Variants in TNRC6C observed in about 807,000 individuals in gnomAD.
TNRC6C encodes trinucleotide repeat containing adaptor 6C, also known as trinucleotide repeat-containing gene 6C protein.
Under a neutral mutation model 153.7 loss-of-function variants are expected in TNRC6C, and 20 were observed. That is an observed-to-expected ratio of 0.13 (90% CI 0.09 to 0.19). The LOEUF is 0.19. Ranked by LOEUF, TNRC6C falls within the 10% of genes least tolerant of loss-of-function variation. The pLI is 1.00. For synonymous variants in TNRC6C, 811 were observed against 841.4 expected (o/e 0.96, Z 0.63); for missense variants, 1,987 against 2,172.0 (o/e 0.91, Z 1.69).
In TNRC6C at chr17:78,067,880, C is replaced by T. The variant is rs748890340; in HGVS notation, c.2735C>T (p.Ser912Phe). The T allele has an allele frequency of 5.0e-6, 8 of 1,613,666 alleles. No homozygotes were observed. The Admixed American group carries it at 6.7e-5, about 13-fold the overall frequency. The change falls in exon 5 of 20, where the codon TCC (serine) becomes TTC (phenylalanine). Residue 912 changes from serine to phenylalanine, a missense_variant. Ser to Phe is a radical substitution (Grantham distance 155). Coordinates refer to ENST00000301624, the Ensembl canonical transcript of TNRC6C. ...GCTGCTTCCCAAGAAAGCACCTCCTCCTGCAGCTCCTGGGGGAACGCCCCC... is the reference window on the plus strand; with the variant it reads ...GCTGCTTCCCAAGAAAGCACCTCCTTCTGCAGCTCCTGGGGGAACGCCCCC...
At chr17:77,986,443 G>A (rs971633835) in intron 1 of TNRC6C, among the ~76,000 whole-genome samples, 3 of 126,440 alleles carry the variant, frequency 2.4e-5, no homozygotes, top group Admixed American at 8.0e-5. Flanking sequence ...AAGAAGAAAT[G>A]ACAATTTCAC....
At chr17:78,059,565 A>G (rs948900064) in intron 3 of TNRC6C, among the ~76,000 whole-genome samples, 4 of 152,180 alleles carry the variant, frequency 2.6e-5, no homozygotes, top group African/African-American at 9.7e-5. Context: ...ATACAGTGTG[A>G]GGCCGGACAC....
At chr17:77,967,406 G>C (rs571064750) in intron 1 of TNRC6C, among the ~76,000 whole-genome samples, 5 of 152,268 alleles carry the variant, frequency 3.3e-5, no homozygotes, top group Non-Finnish European at 5.9e-5. Flanking sequence ...TCATGCGGGG[G>C]GGGAGAGAAG....
chr17:78,054,417 CACCACTGCAGACTACTGTAA>C lies in TNRC6C; in HGVS notation c.2395+2980_2395+2999del, dbSNP rs1330669963. Among the ~76,000 whole-genome samples, 1,386 of 151,868 alleles carry C rather than the reference CACCACTGCAGACTACTGTAA, an allele frequency of 9.1e-3. 19 individuals are homozygous for C. Among genetic ancestry groups the C allele is most frequent in the African/African-American group, 0.033 (1,346 of 41,346 alleles). ...CTGCAGAGTACTGTGCACTACTATA[CACCACTGCAGACTACTGTAA>C]ACCACTGCAGACTACTGTATACTAC... On this transcript the variant is annotated intron_variant, in intron 3 of 19. Coordinates refer to ENST00000301624, the Ensembl canonical transcript of TNRC6C.
At chr17:78,066,436 C>A (rs2072880925) in intron 4 of TNRC6C, 1 of 151,716 alleles carries the variant, frequency 6.6e-6, no homozygotes, top group Non-Finnish European at 1.5e-5. Flanking sequence ...ATTTATATTA[C>A]TTTTTTTTAC....
At chr17:77,995,730 A>G (rs2071318491) in intron 1 of TNRC6C, among the ~76,000 whole-genome samples, 1 of 152,194 alleles carries the variant, frequency 6.6e-6, no homozygotes, top group South Asian at 2.1e-4. Flanking sequence ...GTACACACAC[A>G]CACACACACG....
upstream of TNRC6C, among the ~76,000 whole-genome samples, chr17:77,958,394 G>A (rs1052420002): frequency 6.6e-6 from 1 of 151,946 alleles, no homozygotes; most frequent in African/African-American, 2.4e-5. Context: ...GCGCGTCCCG[G>A]CCACTCGGAG....
At chr17:77,958,641 G>C (rs572604359), upstream of TNRC6C, among the ~76,000 whole-genome samples, 4 of 152,182 alleles carry the variant, frequency 2.6e-5, no homozygotes, top group African/African-American at 7.2e-5. Flanking sequence ...AGGCCAACGC[G>C]GGGCGGGGAA....
chr17:78,040,408 AT>A (rs1388557678), intron 2 of TNRC6C, among the ~76,000 whole-genome samples: 2 of 152,244 alleles, frequency 1.3e-5, no homozygotes, highest in Non-Finnish European at 2.9e-5. Flanking sequence ...TTGTACATTT[AT>A]AAACAGAGGC....
intron 18 of TNRC6C, chr17:78,102,760 G>C (rs2073620955): frequency 1.9e-6 from 1 of 524,302 alleles, no homozygotes; most frequent in Middle Eastern, 5.0e-4. Flanking sequence ...CCATGTTCCT[G>C]GTGAATTGTT....
intron 1 of TNRC6C, among the ~76,000 whole-genome samples, chr17:78,012,621 A>G (rs974947273): frequency 6.6e-6 from 1 of 152,238 alleles, no homozygotes; most frequent in Non-Finnish European, 1.5e-5. Flanking sequence ...TAACTGCTTT[A>G]TCTCAGCCAG....
chr17:78,001,703 G>C (rs2071415204), upstream of TNRC6C, among the ~76,000 whole-genome samples: 1 of 152,178 alleles, frequency 6.6e-6, no homozygotes, highest in South Asian at 2.1e-4. Context: ...AAATGTTTAA[G>C]TATATATGTT....
intron 1 of TNRC6C, among the ~76,000 whole-genome samples, chr17:77,967,631 T>G (rs1334429336): frequency 1.3e-5 from 2 of 152,194 alleles, no homozygotes; most frequent in Non-Finnish European, 2.9e-5. Flanking sequence ...CTGAGGCCTC[T>G]GGGCACTGCC....
chr17:77,958,967 C>T (rs1161368360), upstream of TNRC6C, among the ~76,000 whole-genome samples: 7 of 145,214 alleles, frequency 4.8e-5, no homozygotes, highest in Admixed American at 4.8e-4. Flanking sequence ...GCCGCCGCCG[C>T]CTAGGACCCG....
At chr17:78,077,548 C>A in intron 9 of TNRC6C, 1 of 652,784 alleles carries the variant, frequency 1.5e-6, no homozygotes, top group Non-Finnish European at 2.6e-6. Context: ...TATTCTTACA[C>A]TTAACTAAAA....
intron 3 of TNRC6C, among the ~76,000 whole-genome samples, chr17:78,053,941 CTAAGAAA>C (rs2072591281): frequency 6.6e-6 from 1 of 152,140 alleles, no homozygotes; most frequent in Non-Finnish European, 1.5e-5. Flanking sequence ...GTGATACATT[CTAAGAAA>C]TGTGTCATCA....
At position 78,079,329 on chromosome 17, in the gene TNRC6C, C is replaced by A; in HGVS notation, c.3211-66C>A. The A allele has an allele frequency of 1.3e-6, 2 of 1,584,708 alleles. No homozygotes were observed. The highest frequency in any genetic ancestry group is 8.6e-7 in the Non-Finnish European group (1 of 1,158,602). ...ATTCACTTGAAATAGATCATTTCACCCTACCTCCAAACAATGTTACTCTAA... is the reference window on the plus strand; with the variant it reads ...ATTCACTTGAAATAGATCATTTCACACTACCTCCAAACAATGTTACTCTAA... On this transcript the variant is annotated intron_variant, in intron 9 of 19. Transcript: ENST00000301624. The surrounding 1 kb of genome is among the most constrained non-coding windows in gnomAD (Gnocchi z 4.3).
chr17:78,071,144 A>C, exon 6 of TNRC6C: 9 of 1,605,550 alleles, frequency 5.6e-6, no homozygotes, highest in Non-Finnish European at 7.7e-6. Context: ...TGATCAAACA[A>C]CTCACAGACA....
intron 11 of TNRC6C, among the ~76,000 whole-genome samples, chr17:78,086,257 G>A (rs2144494088): frequency 1.3e-5 from 2 of 148,908 alleles, no homozygotes; most frequent in East Asian, 2.0e-4. Flanking sequence ...TTGAACCCGG[G>A]AGGCAGAGGT....
Sources: allele counts gnomAD v4.1 joint callset (sites outside exome capture counted in the v4.1 genomes callset), GRCh38; gene constraint gnomAD v4.1.1; non-coding constraint Gnocchi (gnomAD v3.1); transcripts MANE v1.5; gene names NCBI Gene and HGNC (gene_info 2026-07-23, HGNC 2026-07-21).